Variants in PHACTR3 observed in about 807,000 individuals in gnomAD.
PHACTR3 encodes phosphatase and actin regulator 3, also known as protein phosphatase 1, regulatory subunit 123.
PHACTR3 carries 16 observed loss-of-function variants against 66.8 expected under a neutral mutation model. The ratio of observed to expected loss-of-function variants is 0.24; its 90% CI spans 0.16 to 0.36. The LOEUF (loss-of-function observed/expected upper bound fraction) is 0.36, where lower values mean the gene tolerates loss of function less well. PHACTR3 is among the 10% of genes least tolerant of loss of function. The pLI, the probability that PHACTR3 is intolerant of heterozygous loss-of-function variation, is 1.00. For missense variants in PHACTR3, 647 were observed against 719.9 expected (o/e 0.90, Z 1.16); for synonymous variants, 323 against 292.1 (o/e 1.11, Z -1.08).
chr20:59,802,211 C>A (rs56315394), intron 7 of PHACTR3, among the ~76,000 whole-genome samples: 3,295 of 152,170 alleles, frequency 0.022, 51 homozygotes, highest in Middle Eastern at 0.034. Context: ...GAGGTGGTGT[C>A]TGGAGATGGA....
At position 59,680,050 on chromosome 20, in the gene PHACTR3, C is replaced by A. The variant is rs551812419; in HGVS notation, c.119-63057C>A. Among the ~76,000 whole-genome samples, 151 of 152,188 alleles carry A rather than the reference C, an allele frequency of 9.9e-4. 1 individual carries two copies. Among genetic ancestry groups the A allele is most frequent in the African/African-American group, 3.5e-3 (144 of 41,500 alleles). On this transcript the variant is annotated intron_variant, in intron 1 of 12. Transcript: ENST00000371015. Reference sequence around the variant, plus strand: ...TTTCCCTTCCATTCTCTTTCACTCCCTCCTCCCTGGCTTCCCTCTCTTCTG... The same window carrying A: ...TTTCCCTTCCATTCTCTTTCACTCCATCCTCCCTGGCTTCCCTCTCTTCTG...
chr20:59,822,625 C>A (rs2145428127), intron 8 of PHACTR3, among the ~76,000 whole-genome samples: 1 of 152,212 alleles, frequency 6.6e-6, no homozygotes, highest in Non-Finnish European at 1.5e-5. Context: ...ATGGTGTGGT[C>A]TGCAGATGAG....
At chr20:59,675,623 A>G (rs2036426679) in intron 1 of PHACTR3, among the ~76,000 whole-genome samples, 1 of 151,970 alleles carries the variant, frequency 6.6e-6, no homozygotes, top group South Asian at 2.1e-4. Flanking sequence ...CTTTGGGGTG[A>G]TTTTTCCCCC....
chr20:59,699,378 C>T (rs2037412533), intron 1 of PHACTR3, among the ~76,000 whole-genome samples: 1 of 152,108 alleles, frequency 6.6e-6, no homozygotes, highest in South Asian at 2.1e-4. Flanking sequence ...ACCTCATTTA[C>T]CCCTTGTGAC....
At chr20:59,758,134 C>T (rs193228189) in intron 4 of PHACTR3, among the ~76,000 whole-genome samples, 3,779 of 17,542 alleles carry the variant, frequency 0.22, 158 homozygotes, top group African/African-American at 0.34. Context: ...AGACTGGAGC[C>T]GTGCATGGTT....
At chr20:59,639,650 TG>T (rs2035030707) in intron 1 of PHACTR3, among the ~76,000 whole-genome samples, 1 of 152,188 alleles carries the variant, frequency 6.6e-6, no homozygotes, top group Non-Finnish European at 1.5e-5. Flanking sequence ...TGTGTGGCTT[TG>T]GGCAAGTTAA....
chr20:59,823,307 G>T (rs1402763314), intron 8 of PHACTR3, among the ~76,000 whole-genome samples: 1 of 152,114 alleles, frequency 6.6e-6, no homozygotes, highest in Non-Finnish European at 1.5e-5. Context: ...ACAGTAATCT[G>T]CAGATATTAC....
chr20:59,680,950 G>A (rs2036620814), intron 1 of PHACTR3, among the ~76,000 whole-genome samples: 1 of 152,218 alleles, frequency 6.6e-6, no homozygotes, highest in African/African-American at 2.4e-5. Context: ...CATTCTAAGG[G>A]TATGCTTAAA....
chr20:59,653,599 T>C (rs1343130451), intron 1 of PHACTR3, among the ~76,000 whole-genome samples: 1 of 152,208 alleles, frequency 6.6e-6, no homozygotes, highest in African/African-American at 2.4e-5. Flanking sequence ...ATATATTTCA[T>C]GATTAGTGTT....
intron 1 of PHACTR3, among the ~76,000 whole-genome samples, chr20:59,617,771 A>T (rs755138109): frequency 4.6e-5 from 7 of 152,134 alleles, no homozygotes; most frequent in Non-Finnish European, 8.8e-5. Flanking sequence ...GGCACGTGTC[A>T]TTTCTCCCTT....
intron 1 of PHACTR3, among the ~76,000 whole-genome samples, chr20:59,636,705 G>T (rs886890015): frequency 1.3e-5 from 2 of 152,188 alleles, no homozygotes; most frequent in African/African-American, 4.8e-5. Context: ...TGTGTATGAA[G>T]GCCCTGGCAT....
At position 59,830,731 on chromosome 20, in the gene PHACTR3, C is replaced by T. The variant is rs1430378391; in HGVS notation, c.1329-5774C>T. Among the ~76,000 whole-genome samples the T allele has an allele frequency of 1.3e-5, 2 of 152,114 alleles. No homozygotes were observed. The highest frequency in any genetic ancestry group is 2.1e-4 in the South Asian group (1 of 4,824). On this transcript the variant is annotated intron_variant, in intron 8 of 12. Coordinates refer to ENST00000371015, the MANE Select transcript of PHACTR3 (RefSeq NM_080672.5). The surrounding 1 kb of genome is among the most constrained non-coding windows in gnomAD (Gnocchi z 5.8). ...CCTGTATTTAGTGTTCTCGACTCTC[C>T]CAGCATCCCTGTGGGTTTTGTTGGC...
At chr20:59,726,690 A>G (rs568961822) in intron 1 of PHACTR3, among the ~76,000 whole-genome samples, 1 of 152,270 alleles carries the variant, frequency 6.6e-6, no homozygotes, top group Non-Finnish European at 1.5e-5. Flanking sequence ...ATGTGTGCCA[A>G]TCATGCTAGA....
intron 7 of PHACTR3, among the ~76,000 whole-genome samples, chr20:59,796,043 T>C (rs186489634): frequency 7.5e-4 from 114 of 152,200 alleles, no homozygotes; most frequent in African/African-American, 2.5e-3. Context: ...TTGATCCTCT[T>C]TTCCTCTGTT....
At chr20:59,579,335 T>C (rs1434496906) in intron 1 of PHACTR3, among the ~76,000 whole-genome samples, 29 of 152,186 alleles carry the variant, frequency 1.9e-4, no homozygotes. Flanking sequence ...TGACCCACTT[T>C]CCCCAAGGAG....
intron 1 of PHACTR3, among the ~76,000 whole-genome samples, chr20:59,591,368 G>T (rs1474819845): frequency 2.0e-5 from 3 of 152,136 alleles, no homozygotes; most frequent in Admixed American, 2.0e-4. Context: ...CTCCACCCGG[G>T]CAAGGCTCCT....
intron 1 of PHACTR3, among the ~76,000 whole-genome samples, chr20:59,700,776 CTTTTTTTGTTTTG>C (rs767597288): frequency 1.3e-5 from 2 of 150,968 alleles, no homozygotes; most frequent in Non-Finnish European, 2.9e-5. Context: ...TAGGTGCTTA[CTTTTTTTGTTTTG>C]TTTTTTTGTT....
intron 1 of PHACTR3, among the ~76,000 whole-genome samples, chr20:59,638,760 ATGGG>A (rs1262816139): frequency 4.3e-5 from 6 of 140,348 alleles, no homozygotes; most frequent in Non-Finnish European, 9.1e-5. Context: ...GGATGGATGG[ATGGG>A]TAGATGGACG....
At chr20:59,700,571 G>A (rs1708095934) in intron 1 of PHACTR3, among the ~76,000 whole-genome samples, 1 of 152,090 alleles carries the variant, frequency 6.6e-6, no homozygotes, top group Admixed American at 6.5e-5. Flanking sequence ...GGTCTACAAG[G>A]GTAGTGCTTA....
Sources: allele counts gnomAD v4.1 joint callset (sites outside exome capture counted in the v4.1 genomes callset), GRCh38; gene constraint gnomAD v4.1.1; non-coding constraint Gnocchi (gnomAD v3.1); transcripts MANE v1.5; gene names NCBI Gene and HGNC (gene_info 2026-07-23, HGNC 2026-07-21).